Variants in CTNNA3 observed in about 807,000 individuals in gnomAD.
CTNNA3 encodes the protein catenin alpha-3.
Under a neutral mutation model 95.7 loss-of-function variants are expected in CTNNA3, and 76 were observed. The ratio of observed to expected loss-of-function variants is 0.79; its 90% CI spans 0.66 to 0.96. The LOEUF (loss-of-function observed/expected upper bound fraction) is 0.96. Ranked by LOEUF, CTNNA3 falls within the 40% of genes least tolerant of loss-of-function variation. The probability of loss-of-function intolerance (pLI) is 0.00; values close to 1 mark genes in which losing one functional copy is unlikely to be tolerated. For missense variants in CTNNA3, 1,191 were observed against 1,089.8 expected, an observed-to-expected ratio of 1.09 and a Z score of -1.31; for synonymous variants, 431 against 374.4, an observed-to-expected ratio of 1.15 and a Z score of -1.74.
intron 12 of CTNNA3, among the ~76,000 whole-genome samples, chr10:66,334,967 C>T (rs567706896): frequency 6.6e-6 from 1 of 152,048 alleles, no homozygotes; most frequent in Non-Finnish European, 1.5e-5. Context: ...CTTCTCGCTT[C>T]ATTTTATTCA....
chr10:66,666,750 A>G (rs7897160), intron 9 of CTNNA3, among the ~76,000 whole-genome samples: 99,426 of 151,722 alleles, frequency 0.66, 33,406 homozygotes, highest in East Asian at 0.95. Context: ...AAGCCCATAA[A>G]TGCTCAACAG....
At chr10:66,600,092 G>T (rs1843866983) in intron 10 of CTNNA3, among the ~76,000 whole-genome samples, 1 of 151,832 alleles carries the variant, frequency 6.6e-6, no homozygotes, top group Non-Finnish European at 1.5e-5. Context: ...TAACACAGTT[G>T]CTGAGATAGA....
intron 13 of CTNNA3, among the ~76,000 whole-genome samples, chr10:66,128,354 C>T (rs775861600): frequency 1.3e-5 from 2 of 152,034 alleles, no homozygotes; most frequent in Admixed American, 6.6e-5. Context: ...ATATTTATAG[C>T]AGCTTTATTC....
chr10:66,810,790 T>C (rs1295570350), intron 7 of CTNNA3, among the ~76,000 whole-genome samples: 1 of 152,196 alleles, frequency 6.6e-6, no homozygotes, highest in Non-Finnish European at 1.5e-5. Flanking sequence ...ATCCCATAGC[T>C]AATCAGCCTC....
chr10:66,952,255 G>A (rs1848574259), intron 7 of CTNNA3, among the ~76,000 whole-genome samples: 1 of 152,150 alleles, frequency 6.6e-6, no homozygotes, highest in Non-Finnish European at 1.5e-5. Context: ...AAACTATGCA[G>A]GGGACAGAGC....
chr10:66,609,511 C>A (rs1039181814), intron 10 of CTNNA3, among the ~76,000 whole-genome samples: 7 of 151,554 alleles, frequency 4.6e-5, no homozygotes, highest in African/African-American at 1.7e-4. Flanking sequence ...CGCTCAACAT[C>A]ACCTATCATT....
At chr10:66,023,646 G>A (rs1435181981) in intron 15 of CTNNA3, among the ~76,000 whole-genome samples, 1 of 152,184 alleles carries the variant, frequency 6.6e-6, no homozygotes, top group African/African-American at 2.4e-5. Flanking sequence ...ATGAAATGTT[G>A]CTTGAATAAA....
intron 7 of CTNNA3, among the ~76,000 whole-genome samples, chr10:66,971,748 C>A (rs534417364): frequency 1.3e-5 from 2 of 152,184 alleles, no homozygotes; most frequent in Admixed American, 6.5e-5. Context: ...TAGTGCCCAA[C>A]AAAGAGAAAA....
intron 7 of CTNNA3, among the ~76,000 whole-genome samples, chr10:67,069,096 G>T (rs1369041565): frequency 6.6e-6 from 1 of 151,652 alleles, no homozygotes; most frequent in Non-Finnish European, 1.5e-5. Context: ...AACAGAAAAA[G>T]AAAAAGAAGA....
chr10:67,716,999 T>C (rs1341889736), intron 1 of CTNNA3, among the ~76,000 whole-genome samples: 1 of 152,240 alleles, frequency 6.6e-6, no homozygotes, highest in African/African-American at 2.4e-5. Context: ...TCCTGATTTT[T>C]TAATGATCGC....
intron 14 of CTNNA3, among the ~76,000 whole-genome samples, chr10:66,102,743 G>A (rs74473063): frequency 0.032 from 4,804 of 152,046 alleles, 262 homozygotes; most frequent in African/African-American, 0.11. Flanking sequence ...GTGTTTGGGG[G>A]CAGGCACAGG....
upstream of CTNNA3, among the ~76,000 whole-genome samples, chr10:67,699,605 G>A (rs1222919886): frequency 6.6e-6 from 1 of 152,216 alleles, no homozygotes; most frequent in Non-Finnish European, 1.5e-5. Context: ...TTTCACTCAG[G>A]GATTACTAAG....
chr10:67,720,468 G>C (rs1841173436), intron 1 of CTNNA3, among the ~76,000 whole-genome samples: 1 of 151,718 alleles, frequency 6.6e-6, no homozygotes, highest in African/African-American at 2.4e-5. Context: ...TTTACTATTT[G>C]GTATGTTTTT....
At chr10:67,202,073 CAAA>C (rs1863673630) in intron 6 of CTNNA3, among the ~76,000 whole-genome samples, 2 of 152,128 alleles carry the variant, frequency 1.3e-5, no homozygotes, top group African/African-American at 2.4e-5. Flanking sequence ...GTATCTTCAT[CAAA>C]AATTTCTTTT....
At chr10:66,549,139 G>T (rs10822844) in intron 10 of CTNNA3, among the ~76,000 whole-genome samples, 2 of 151,480 alleles carry the variant, frequency 1.3e-5, no homozygotes, top group Non-Finnish European at 2.9e-5. Context: ...CAGTACAGGC[G>T]CCCGCCACCA....
chr10:65,959,864 C>T (rs1011807426), intron 17 of CTNNA3, among the ~76,000 whole-genome samples: 1 of 152,184 alleles, frequency 6.6e-6, no homozygotes, highest in African/African-American at 2.4e-5. Flanking sequence ...GCCAAACTGG[C>T]TTCATTTCCA....
intron 5 of CTNNA3, among the ~76,000 whole-genome samples, chr10:67,432,074 A>G (rs1564645319): frequency 1.3e-5 from 2 of 152,048 alleles, no homozygotes; most frequent in African/African-American, 4.8e-5. Context: ...CAGCATTTCA[A>G]ACTTGCAGGA....
intron 7 of CTNNA3, among the ~76,000 whole-genome samples, chr10:66,808,263 G>A (rs1240356925): frequency 1.3e-5 from 2 of 152,108 alleles, no homozygotes; most frequent in South Asian, 2.1e-4. Flanking sequence ...AGAAGGATAT[G>A]TCCCTGGCAA....
chr10:65,957,641 A>G (rs1371662692), intron 17 of CTNNA3, among the ~76,000 whole-genome samples: 2 of 152,126 alleles, frequency 1.3e-5, no homozygotes, highest in Admixed American at 6.6e-5. Context: ...TACCTCCTTC[A>G]CTTATGAAGC....
Sources: allele counts gnomAD v4.1 joint callset (sites outside exome capture counted in the v4.1 genomes callset), GRCh38; gene constraint gnomAD v4.1.1; transcripts MANE v1.5; gene names NCBI Gene and HGNC (gene_info 2026-07-23, HGNC 2026-07-21).